PLA2G5: variants seen among roughly 807,000 people sequenced by gnomAD.
PLA2G5 encodes the protein Ca2+-dependent phospholipase A2.
In PLA2G5, 12 loss-of-function variants were observed where a neutral mutation model predicts 15.9. The observed-to-expected ratio is 0.76, with a 90% CI of 0.48 to 1.23. PLA2G5 has a LOEUF of 1.23. PLA2G5 is among the 50% of genes most tolerant of loss of function. The probability of loss-of-function intolerance (pLI) is 0.00; values close to 1 mark genes in which losing one functional copy is unlikely to be tolerated. For missense variants in PLA2G5, 169 were observed against 177.1 expected (o/e 0.95, Z 0.26); for synonymous variants, 71 against 71.4 (o/e 0.99, Z 0.03).
intron 1 of PLA2G5, chr1:20,046,065 G>A (rs35281959): frequency 0.095 from 14,414 of 152,170 alleles, 894 homozygotes; most frequent in Non-Finnish European, 0.14. Flanking sequence ...CTCACTCCCA[G>A]CAGGCAGGAT....
chr1:20,084,931 GA>G, intron 2 of PLA2G5, 61 bp downstream of exon 2: 1 of 1,139,510 alleles, frequency 8.8e-7, no homozygotes, highest in Non-Finnish European at 1.3e-6. Flanking sequence ...ACAGGGTGGT[GA>G]AAAGGACACC....
chr1:20,045,501 C>T (rs1165577874), intron 1 of PLA2G5, among the ~76,000 whole-genome samples: 1 of 151,974 alleles, frequency 6.6e-6, no homozygotes, highest in East Asian at 1.9e-4. Context: ...AACATATCTC[C>T]TCTGTCTCTA....
At chr1:20,056,130 G>A (rs760124017) in intron 1 of PLA2G5, among the ~76,000 whole-genome samples, 2 of 152,064 alleles carry the variant, frequency 1.3e-5, no homozygotes, top group Non-Finnish European at 1.5e-5. Flanking sequence ...GAGCTGCGAG[G>A]TTCAAAGCAA....
Position 20,089,741 on chromosome 1 carries a change from C to A in PLA2G5, c.186-48C>A, listed in dbSNP as rs1569847407. 17 of 1,480,894 alleles carry A rather than the reference C, an allele frequency of 1.1e-5. No homozygotes were observed. The East Asian group carries it at 3.4e-4, about 30-fold the overall frequency. 91.7% of individuals were successfully genotyped at this position (1,480,894 alleles called of 1,614,324 possible). A position where few individuals can be genotyped will look rare whatever the true frequency, so the allele number is the denominator to read the frequency against. On this transcript the variant is annotated intron_variant, in intron 3 of 4. Transcript: ENST00000375108. ...TTTTTGCTCCTATTAGGGATGGGGT[C>A]AGGAGGGCACCCCTCCCACTCGGGA...
At chr1:20,037,246 G>A (rs557962376) in intron 1 of PLA2G5, among the ~76,000 whole-genome samples, 1 of 152,312 alleles carries the variant, frequency 6.6e-6, no homozygotes, top group Admixed American at 6.5e-5. Context: ...TCCATGGGGT[G>A]ATCCCTTGAT....
chr1:20,068,113 C>T (rs1277852653), upstream of PLA2G5, among the ~76,000 whole-genome samples: 9 of 151,232 alleles, frequency 6.0e-5, no homozygotes, highest in Non-Finnish European at 8.8e-5. Flanking sequence ...AGCGAGACTC[C>T]GTCTCAAAAA....
chr1:20,084,978 C>T (rs2016211092), intron 2 of PLA2G5, 108 bp downstream of exon 2: 3 of 809,552 alleles, frequency 3.7e-6, no homozygotes, highest in South Asian at 2.7e-5. Context: ...GTTTGAATCT[C>T]GGCTCTGCAC....
chr1:20,032,520 G>C (rs1420192739), intron 1 of PLA2G5, among the ~76,000 whole-genome samples: 1 of 152,148 alleles, frequency 6.6e-6, no homozygotes, highest in Non-Finnish European at 1.5e-5. Flanking sequence ...TGTGGGGAAA[G>C]GAGGTGGTTT....
Position 20,070,273 on chromosome 1 carries a change from A to G in PLA2G5, c.-203A>G. On this transcript the variant is annotated 5_prime_UTR_variant, in exon 1 of 5. Coordinates refer to ENST00000375108, the MANE Select transcript of PLA2G5 (RefSeq NM_000929.3). ...CCCCACCTCCGGGTTTGTCCTCATC[A>G]TCGGTCACTCCCATTCACAGCTTTA... 1.0e-6 allele frequency: 1 copy of G among 985,478 alleles called. No individual in the cohort carries two copies. Among genetic ancestry groups the G allele is most frequent in the Non-Finnish European group, 1.2e-6 (1 of 829,992 alleles). 61.0% of individuals were successfully genotyped at this position (985,478 alleles called of 1,614,324 possible).
intron 1 of PLA2G5, among the ~76,000 whole-genome samples, chr1:20,031,487 G>A (rs532771912): frequency 6.6e-6 from 1 of 152,272 alleles, no homozygotes; most frequent in Non-Finnish European, 1.5e-5. Flanking sequence ...AATAGGAGTG[G>A]TCTATCCAGG....
chr1:20,066,693 T>C (rs1008867829), upstream of PLA2G5, among the ~76,000 whole-genome samples: 8 of 152,216 alleles, frequency 5.3e-5, no homozygotes, highest in African/African-American at 1.9e-4. Flanking sequence ...AAGATATTGG[T>C]ATTTTATTTT....
chr1:20,044,833 G>A (rs1447413735), intron 1 of PLA2G5, among the ~76,000 whole-genome samples: 1 of 152,012 alleles, frequency 6.6e-6, no homozygotes, highest in Non-Finnish European at 1.5e-5. Flanking sequence ...GAGGAGGGGA[G>A]AGGTCAGATG....
At chr1:20,071,646 C>G (rs1419084866) in intron 1 of PLA2G5, among the ~76,000 whole-genome samples, 1 of 152,160 alleles carries the variant, frequency 6.6e-6, no homozygotes, top group Admixed American at 6.5e-5. Flanking sequence ...GTAGACCCAG[C>G]TTCCGTGTTT....
chr1:20,049,277 A>G (rs903333997), intron 1 of PLA2G5, among the ~76,000 whole-genome samples: 1 of 152,198 alleles, frequency 6.6e-6, no homozygotes, highest in Non-Finnish European at 1.5e-5. Context: ...ATTTATTTTA[A>G]AAAGCTTTTA....
intron 2 of PLA2G5, among the ~76,000 whole-genome samples, chr1:20,060,813 T>G (rs604447): frequency 0.84 from 126,898 of 151,040 alleles, 53,334 homozygotes; most frequent in East Asian, 0.93. Context: ...TGCCTCCCAG[T>G]TTCAAGCGAT....
At chr1:20,036,183 T>C (rs2013240082) in intron 1 of PLA2G5, among the ~76,000 whole-genome samples, 1 of 152,206 alleles carries the variant, frequency 6.6e-6, no homozygotes, top group Non-Finnish European at 1.5e-5. Context: ...ATTTCCTTTG[T>C]CTTGATTTTA....
In PLA2G5 at chr1:20,083,392, G is replaced by T. The variant is rs562031954; in HGVS notation, c.-10-1429G>T. Among the ~76,000 whole-genome samples the T allele has an allele frequency of 3.5e-3, 537 of 151,930 alleles. 22 individuals are homozygous for T. Among genetic ancestry groups the T allele is most frequent in the African/African-American group, 0.013 (518 of 41,224 alleles). On this transcript the variant is annotated intron_variant, in intron 1 of 4. Coordinates refer to ENST00000375108, the MANE Select transcript of PLA2G5 (RefSeq NM_000929.3). ...GGCCAGGTCTTGGGAGGCGCCAGGG[G>T]TTCAGGTAGAGCTCTGGCACAAGCG... is the stretch of plus-strand genomic sequence containing the variant.
intron 1 of PLA2G5, among the ~76,000 whole-genome samples, chr1:20,032,316 G>A (rs767243948): frequency 4.3e-4 from 65 of 151,992 alleles, no homozygotes; most frequent in Middle Eastern, 3.2e-3. Flanking sequence ...AGGATAATGC[G>A]GGTAATACAG....
At chr1:20,066,915 A>C (rs2015060744), upstream of PLA2G5, among the ~76,000 whole-genome samples, 1 of 152,182 alleles carries the variant, frequency 6.6e-6, no homozygotes, top group South Asian at 2.1e-4. Context: ...CTTGGGTGGC[A>C]GGATCTTTTG....
Sources: allele counts gnomAD v4.1 joint callset (sites outside exome capture counted in the v4.1 genomes callset), GRCh38; gene constraint gnomAD v4.1.1; transcripts MANE v1.5; gene names NCBI Gene and HGNC (gene_info 2026-07-23, HGNC 2026-07-21).